CYP4F22: variants seen among roughly 807,000 people sequenced by gnomAD.
The protein encoded by CYP4F22 is ultra-long-chain fatty acid omega-hydroxylase.
CYP4F22 carries 37 observed loss-of-function variants against 60.4 expected under a neutral mutation model. The observed-to-expected ratio is 0.61, with a 90% CI of 0.47 to 0.81. The LOEUF (loss-of-function observed/expected upper bound fraction) is 0.81, where lower values mean the gene tolerates loss of function less well. Ranked by LOEUF, CYP4F22 falls within the 30% of genes least tolerant of loss-of-function variation. The pLI, the probability that CYP4F22 is intolerant of heterozygous loss-of-function variation, is 0.00. For synonymous variants in CYP4F22, 258 were observed against 280.5 expected (o/e 0.92, Z 0.80); for missense variants, 655 against 715.0 (o/e 0.92, Z 0.96).
intron 8 of CYP4F22, among the ~76,000 whole-genome samples, chr19:15,542,108 A>G (rs1254121586): frequency 3.3e-5 from 5 of 152,324 alleles, no homozygotes; most frequent in African/African-American, 1.2e-4. Context: ...GTTGTCAGGC[A>G]TCCAGTGGGA....
intron 6 of CYP4F22, 29 bp downstream of exon 6, chr19:15,537,691 G>T: frequency 5.6e-6 from 9 of 1,609,232 alleles, no homozygotes; most frequent in Non-Finnish European, 7.6e-6. Context: ...AGGGAAGAGG[G>T]TGTCTTGGGA....
chr19:15,536,388 TA>T (rs1350618951), intron 4 of CYP4F22, among the ~76,000 whole-genome samples: 2 of 151,996 alleles, frequency 1.3e-5, no homozygotes, highest in African/African-American at 4.8e-5. Context: ...TGACGTCGAA[TA>T]GGGGGTGGAA....
intron 4 of CYP4F22, among the ~76,000 whole-genome samples, chr19:15,531,548 T>G (rs1210010852): frequency 1.3e-5 from 2 of 152,328 alleles, no homozygotes; most frequent in African/African-American, 4.8e-5. Flanking sequence ...AATGCCTTGT[T>G]GTCTCCCGTT....
chr19:15,548,026 T>A (rs1971551338), intron 10 of CYP4F22, 82 bp from the exon 11 acceptor site: 1 of 1,259,768 alleles, frequency 7.9e-7, no homozygotes, highest in East Asian at 2.4e-5. Flanking sequence ...TGTGTGTGTG[T>A]GTGTGTGTGT....
chr19:15,523,264 G>A (rs1971245078), intron 1 of CYP4F22, among the ~76,000 whole-genome samples: 2 of 152,106 alleles, frequency 1.3e-5, no homozygotes, highest in Non-Finnish European at 2.9e-5. Flanking sequence ...GGAAGCTGAG[G>A]TGGGAGAATC....
chr19:15,515,597 A>G (rs1371959617), intron 1 of CYP4F22, among the ~76,000 whole-genome samples: 3 of 152,050 alleles, frequency 2.0e-5, no homozygotes, highest in Non-Finnish European at 4.4e-5. Context: ...GTGGTGGCGC[A>G]TGCCGGTAAT....
At chr19:15,541,650 G>A (rs1181548660) in intron 8 of CYP4F22, among the ~76,000 whole-genome samples, 1 of 152,056 alleles carries the variant, frequency 6.6e-6, no homozygotes, top group South Asian at 2.1e-4. Flanking sequence ...GGAGGCCAAG[G>A]CAGGTGGATC....
At chr19:15,512,643 A>G (rs539976775) in intron 1 of CYP4F22, among the ~76,000 whole-genome samples, 1 of 152,016 alleles carries the variant, frequency 6.6e-6, no homozygotes, top group Non-Finnish European at 1.5e-5. Context: ...GAGTCTCACT[A>G]TGTTGCACAG....
chr19:15,543,871 A>T, intron 8 of CYP4F22, 100 bp from the exon 9 acceptor site: 1 of 1,325,484 alleles, frequency 7.5e-7, no homozygotes, highest in East Asian at 2.4e-5. Context: ...AAAAAAAAAA[A>T]AAAAAAGATG....
In CYP4F22 at chr19:15,537,807, G is replaced by T. The variant is rs556566002; in HGVS notation, c.550-65G>T. 16 of 1,611,648 alleles carry T rather than the reference G, an allele frequency of 9.9e-6. No individual in the cohort carries two copies. In the Admixed American group the frequency reaches 2.3e-4, roughly 24 times the overall value. ...GAGCTTGTAGTGAAAACGCAGTCGGGTCCTTGTTAGGCTGACTCCCTCTCT... is the reference window on the plus strand; with the variant it reads ...GAGCTTGTAGTGAAAACGCAGTCGGTTCCTTGTTAGGCTGACTCCCTCTCT... On this transcript the variant is annotated intron_variant, in intron 6 of 13. Transcript: ENST00000269703.
intron 1 of CYP4F22, among the ~76,000 whole-genome samples, chr19:15,510,944 C>CTATATATATATATATATATATATATA (rs1971081787): frequency 8.7e-6 from 1 of 114,818 alleles, no homozygotes; most frequent in African/African-American, 3.5e-5. Flanking sequence ...TATAGGGATA[C>CTATATATATATATATATATATATATA]CATATATATA....
chr19:15,521,358 A>G (rs185026113), intron 1 of CYP4F22, among the ~76,000 whole-genome samples: 1 of 148,778 alleles, frequency 6.7e-6, no homozygotes, highest in East Asian at 2.0e-4. Context: ...CAGCCTCCCC[A>G]TTAGCTGTGA....
At chr19:15,513,750 C>G (rs1020457035) in intron 1 of CYP4F22, among the ~76,000 whole-genome samples, 9 of 151,822 alleles carry the variant, frequency 5.9e-5, no homozygotes, top group African/African-American at 9.7e-5. Flanking sequence ...ATCCGCACCC[C>G]CCTCGGTCTC....
In CYP4F22 at chr19:15,545,648, CAAAAAA is replaced by C. The variant is rs1217096575; in HGVS notation, c.1136+1387_1136+1392del. Among the ~76,000 whole-genome samples the C allele has an allele frequency of 2.1e-3, 83 of 38,952 alleles. 1 individual carries two copies. Among genetic ancestry groups the C allele is most frequent in the African/African-American group, 8.8e-3 (82 of 9,354 alleles). 25.6% of individuals were successfully genotyped at this position (38,952 alleles called of 152,430 possible). A position where few individuals can be genotyped will look rare whatever the true frequency, so the allele number is the denominator to read the frequency against. On this transcript the variant is annotated intron_variant, in intron 10 of 13. Coordinates refer to ENST00000269703, the MANE Select transcript of CYP4F22 (RefSeq NM_173483.4). ...TGGGTGACAGAGTGAGACCCTGTCT[CAAAAAA>C]AAAAAAAAAAAAAAAAAGAAAAGAA...
intron 1 of CYP4F22, among the ~76,000 whole-genome samples, chr19:15,508,801 C>A (rs1261303965): frequency 6.6e-6 from 1 of 151,546 alleles, no homozygotes. Context: ...GTGTCCCCGA[C>A]GTTTGCTGCA....
rs527465363 is a variant in CYP4F22 at position 15,525,987 on chromosome 19, C to T, written c.222+429C>T. ...GACCAGCCTGGGAAACACAGTGAGA[C>T]CCCATCTCTATAAGAAAAATTACAA... On this transcript the variant is annotated intron_variant, in intron 3 of 13. Transcript: ENST00000269703. 4.1e-4 allele frequency among the ~76,000 whole-genome samples: 63 copies of T among 151,866 alleles called. 1 individual carries two copies. Among genetic ancestry groups the T allele is most frequent in the African/African-American group, 1.5e-3 (62 of 41,420 alleles).
rs1178865666 is a variant in CYP4F22, at chr19:15,525,544, G to C, written c.208G>C (p.Gly70Arg). ...PQPPRRNWLL[G>R]HLGMYLPNEA... is the part of the protein sequence containing the mutation. ...GCCTCCCCGGCGCAACTGGCTGCTGGGCCACCTGGGCATGGTAAGTGTGGC... is the reference window on the plus strand; with the variant it reads ...GCCTCCCCGGCGCAACTGGCTGCTGCGCCACCTGGGCATGGTAAGTGTGGC... The change falls in exon 3 of 14, where the codon GGC becomes CGC. Residue 70 changes from glycine to arginine, a missense_variant. Physicochemically the swap from Gly to Arg is moderately radical, Grantham distance 125. Around this residue, in one of 3 missense-constraint regions of CYP4F22, gnomAD observed 430 missense variants for 457.1 expected, o/e 0.94. Transcript: ENST00000269703. The C allele has an allele frequency of 6.2e-7, 1 of 1,608,692 alleles. No individual in the cohort carries two copies. The highest frequency in any genetic ancestry group is 1.1e-5 in the South Asian group (1 of 91,052).
chr19:15,545,590 G>T (rs78285581), intron 10 of CYP4F22, among the ~76,000 whole-genome samples: 5,369 of 142,954 alleles, frequency 0.038, 312 homozygotes, highest in African/African-American at 0.13. Flanking sequence ...TGGAGGCTGT[G>T]GTGAGTCAAG....
intron 3 of CYP4F22, among the ~76,000 whole-genome samples, chr19:15,528,065 T>G (rs964813022): frequency 6.6e-6 from 1 of 152,086 alleles, no homozygotes; most frequent in Non-Finnish European, 1.5e-5. Context: ...TTGCCCATAT[T>G]CCTCTCAACC....
Sources: gnomAD v4.1 joint callset for allele counts (sites outside exome capture counted in the v4.1 genomes callset) on GRCh38, gnomAD v4.1.1 for gene constraint, gnomAD v4.1.1 regional missense constraint, MANE v1.5 for transcripts, NCBI Gene and HGNC (gene_info 2026-07-23, HGNC 2026-07-21) for gene names.